MBNL2: variants seen among roughly 807,000 people sequenced by gnomAD.
MBNL2 encodes muscleblind-like protein 2.
MBNL2 carries 17 observed loss-of-function variants against 41.9 expected under a neutral mutation model. That is an observed-to-expected ratio of 0.41 (90% CI 0.28 to 0.61). The LOEUF (loss-of-function observed/expected upper bound fraction) is 0.61, where lower values mean the gene tolerates loss of function less well. Among genes scored for constraint, MBNL2 ranks in the 20% least tolerant of loss-of-function variants. The probability of loss-of-function intolerance (pLI) is 0.35; values close to 1 mark genes in which losing one functional copy is unlikely to be tolerated. For missense variants in MBNL2, 336 were observed against 505.6 expected (o/e 0.66, Z 3.22); for synonymous variants, 195 against 182.9 (o/e 1.07, Z -0.53).
At chr13:97,338,513 C>T (rs1459562210) in intron 3 of MBNL2, among the ~76,000 whole-genome samples, 1 of 152,224 alleles carries the variant, frequency 6.6e-6, no homozygotes, top group Non-Finnish European at 1.5e-5. Context: ...TCAAGCCTTT[C>T]TCTCCCCTGA....
intron 4 of MBNL2, among the ~76,000 whole-genome samples, chr13:97,343,768 CAG>C (rs1555317132): frequency 5.3e-5 from 8 of 152,174 alleles, no homozygotes; most frequent in South Asian, 2.1e-4. Flanking sequence ...TGTTGCTAAA[CAG>C]GGGAAATTGG....
Position 97,294,010 on chromosome 13 carries a change from C to T in MBNL2, c.174+17601C>T, listed in dbSNP as rs926257365. On this transcript the variant is annotated intron_variant, in intron 2 of 8. Transcript: ENST00000679496. Reference sequence around the variant, plus strand: ...CAATTTATTCTTTAACATGAATGTACCACTCCTGCTTTTTTTTTCTTCATG... The same window carrying T: ...CAATTTATTCTTTAACATGAATGTATCACTCCTGCTTTTTTTTTCTTCATG... Among the ~76,000 whole-genome samples the T allele has an allele frequency of 7.2e-5, 11 of 151,974 alleles. No individual in the cohort carries two copies. In the East Asian group the frequency reaches 1.9e-3, roughly 27 times the overall value.
At chr13:97,380,506 AAAC>A (rs1017166609) in intron 8 of MBNL2, among the ~76,000 whole-genome samples, 5 of 151,810 alleles carry the variant, frequency 3.3e-5, no homozygotes, top group South Asian at 4.2e-4. Context: ...CCAAACAAAC[AAAC>A]AAAAAAAAAC....
chr13:97,176,638 A>G, the MBNL2 span, among the ~76,000 whole-genome samples: 5 of 152,228 alleles, frequency 3.3e-5, no homozygotes, highest in Non-Finnish European at 5.9e-5. Context: ...CTTAGCCTGC[A>G]TAAGAATTTG....
At chr13:97,329,824 GC>G (rs2060275255) in intron 2 of MBNL2, among the ~76,000 whole-genome samples, 15 of 127,704 alleles carry the variant, frequency 1.2e-4, no homozygotes, top group Admixed American at 6.4e-4. Flanking sequence ...GCATACACAT[GC>G]AACACACACA....
chr13:97,331,836 G>A lies in MBNL2; in HGVS notation c.175-2440G>A, dbSNP rs1388488761. 2.6e-5 allele frequency among the ~76,000 whole-genome samples: 4 copies of A among 152,178 alleles called. No individual in the cohort carries two copies. The East Asian group carries it at 5.8e-4, about 22-fold the overall frequency. The stretch of plus-strand genomic sequence containing the variant: ...TTCTCACAAAAAAGAAGGTTTCATT[G>A]ATAAACTACTAATTCAATGTTGTAA... On this transcript the variant is annotated intron_variant, in intron 2 of 8. Transcript: ENST00000679496.
chr13:97,344,057 C>G (rs929668562), intron 4 of MBNL2, among the ~76,000 whole-genome samples: 1 of 152,216 alleles, frequency 6.6e-6, no homozygotes, highest in Non-Finnish European at 1.5e-5. Context: ...CCGCCAGCCT[C>G]GGCCTCCCAA....
intron 5 of MBNL2, among the ~76,000 whole-genome samples, chr13:97,347,314 TC>T (rs987908197): frequency 3.3e-5 from 5 of 152,046 alleles, no homozygotes; most frequent in Admixed American, 1.3e-4. Context: ...TGAGCTCCGT[TC>T]CCCCTCCTAG....
the MBNL2 span, among the ~76,000 whole-genome samples, chr13:97,201,608 TATTC>T: frequency 6.6e-6 from 1 of 152,156 alleles, no homozygotes; most frequent in Non-Finnish European, 1.5e-5. Context: ...AACTTTTATC[TATTC>T]ATTATAATTT....
chr13:97,281,392 C>T (rs1204733072), intron 2 of MBNL2, among the ~76,000 whole-genome samples: 1 of 152,190 alleles, frequency 6.6e-6, no homozygotes, highest in African/African-American at 2.4e-5. Context: ...AAGTATAATA[C>T]AACATTGACA....
At chr13:97,288,519 A>C (rs1309273838) in intron 2 of MBNL2, among the ~76,000 whole-genome samples, 2 of 152,180 alleles carry the variant, frequency 1.3e-5, no homozygotes, top group Non-Finnish European at 2.9e-5. Context: ...TCCCCAAGAA[A>C]CTGAGAGAAG....
chr13:97,178,142 A>T, the MBNL2 span, among the ~76,000 whole-genome samples: 1 of 152,240 alleles, frequency 6.6e-6, no homozygotes, highest in South Asian at 2.1e-4. Context: ...GATTCTGGCA[A>T]AGAAAATGCG....
chr13:97,196,503 G>C, the MBNL2 span, among the ~76,000 whole-genome samples: 1 of 152,158 alleles, frequency 6.6e-6, no homozygotes, highest in Non-Finnish European at 1.5e-5. Context: ...GGCACCCAGA[G>C]ATTAGCAACA....
chr13:97,189,051 C>T, the MBNL2 span, among the ~76,000 whole-genome samples: 5 of 152,080 alleles, frequency 3.3e-5, no homozygotes, highest in African/African-American at 4.8e-5. Context: ...ATGTGCTCCA[C>T]CTTCTACTTC....
At chr13:97,220,609 A>G (rs2040772224), upstream of MBNL2, among the ~76,000 whole-genome samples, 1 of 152,242 alleles carries the variant, frequency 6.6e-6, no homozygotes, top group Non-Finnish European at 1.5e-5. Context: ...ATGACTTTAC[A>G]TGATTTTAAA....
At chr13:97,283,805 G>A (rs1415410989) in intron 2 of MBNL2, among the ~76,000 whole-genome samples, 2 of 152,136 alleles carry the variant, frequency 1.3e-5, no homozygotes, top group East Asian at 3.9e-4. Flanking sequence ...GATATTCTGT[G>A]CTAAGGAAGG....
At chr13:97,234,351 C>A (rs2042907113) in intron 1 of MBNL2, among the ~76,000 whole-genome samples, 1 of 152,126 alleles carries the variant, frequency 6.6e-6, no homozygotes, top group Non-Finnish European at 1.5e-5. Flanking sequence ...GATAGAATAC[C>A]TTTATATATG....
intron 2 of MBNL2, among the ~76,000 whole-genome samples, chr13:97,313,235 G>C (rs927527508): frequency 4.6e-5 from 7 of 152,160 alleles, no homozygotes; most frequent in African/African-American, 1.7e-4. Flanking sequence ...ATAAAGGCAG[G>C]TCCAAGGTGT....
At chr13:97,210,438 G>C in the MBNL2 span, among the ~76,000 whole-genome samples, 1 of 152,080 alleles carries the variant, frequency 6.6e-6, no homozygotes, top group Non-Finnish European at 1.5e-5. Context: ...TGAAAACGGA[G>C]AGCCTGATTT....
Sources: allele counts gnomAD v4.1 joint callset (sites outside exome capture counted in the v4.1 genomes callset), GRCh38; gene constraint gnomAD v4.1.1; transcripts MANE v1.5; gene names NCBI Gene and HGNC (gene_info 2026-07-23, HGNC 2026-07-21).